GSDMA: variants seen among roughly 807,000 people sequenced by gnomAD.
GSDMA encodes gasdermin-A.
GSDMA carries 55 observed loss-of-function variants against 54.3 expected under a neutral mutation model. The observed-to-expected ratio is 1.01, with a 90% CI of 0.82 to 1.27. The LOEUF is 1.27. GSDMA is among the 50% of genes most tolerant of loss of function. The probability of loss-of-function intolerance (pLI) is 0.00; values close to 1 mark genes in which losing one functional copy is unlikely to be tolerated. For missense variants in GSDMA, 542 were observed against 542.6 expected (o/e 1.00, Z 0.01); for synonymous variants, 211 against 224.7 (o/e 0.94, Z 0.54).
At chr17:39,972,513 C>T in intron 6 of GSDMA, 74 bp from the exon 7 acceptor site, 1 of 1,382,764 alleles carries the variant, frequency 7.2e-7, no homozygotes. Flanking sequence ...GATGAAACTG[C>T]CTTGAAGACT....
intron 4 of GSDMA, 36 bp downstream of exon 4, chr17:39,970,683 ACT>A (rs903661525): frequency 2.0e-5 from 27 of 1,367,492 alleles, no homozygotes; most frequent in African/African-American, 6.6e-5. Context: ...ACACACACAC[ACT>A]CTCACACTCA....
rs755339257 is a variant in GSDMA at position 39,974,288 on chromosome 17, G to T, written c.767G>T (p.Gly256Val). 6 of 1,610,850 alleles carry T rather than the reference G, an allele frequency of 3.7e-6. No individual in the cohort carries two copies. The East Asian group carries it at 6.7e-5, about 18-fold the overall frequency. The change falls in exon 9 of 12, where the codon GGC becomes GTC. Residue 256 changes from glycine (G) to valine (V), a missense_variant. Physicochemically the swap from Gly to Val is moderately radical, Grantham distance 109. Coordinates refer to ENST00000301659, the MANE Select transcript of GSDMA (RefSeq NM_178171.5). ...QASDVGDVHE[G>V]FRTLKEEVQR... is the part of the protein sequence containing the mutation. ...GTCCCCATAGGGGACGTACACGAAG[G>T]CTTCAGGACACTAAAAGAAGAAGTT... is the stretch of plus-strand genomic sequence containing the variant.
intron 3 of GSDMA, among the ~76,000 whole-genome samples, chr17:39,969,240 C>G (rs1473515032): frequency 6.6e-6 from 1 of 151,340 alleles, no homozygotes; most frequent in African/African-American, 2.4e-5. Context: ...GTCCCAGCTA[C>G]TCAGGAGGTT....
Position 39,971,745 on chromosome 17 carries a change from G to A in GSDMA, c.655+125G>A, listed in dbSNP as rs939565481. 113 of 694,782 alleles carry A rather than the reference G, an allele frequency of 1.6e-4. 1 individual carries two copies. Among genetic ancestry groups the A allele is most frequent in the Non-Finnish European group, 2.5e-4 (99 of 401,946 alleles). 43.0% of individuals were successfully genotyped at this position (694,782 alleles called of 1,614,324 possible). ...AGGGGGGTGTATTGTACTGTGATCC[G>A]ACTGCAGCCATGGAGCCTGCTCTGG... On this transcript the variant is annotated intron_variant, in intron 5 of 11. Coordinates refer to ENST00000301659, the MANE Select transcript of GSDMA (RefSeq NM_178171.5).
At position 39,963,847 on chromosome 17, in the gene GSDMA, T is replaced by G. The variant is rs982649350; in HGVS notation, c.-6+762T>G. Among the ~76,000 whole-genome samples, 4 of 151,172 alleles carry G rather than the reference T, an allele frequency of 2.6e-5. No homozygotes were observed. In the South Asian group the frequency reaches 6.3e-4, roughly 24 times the overall value. On this transcript the variant is annotated intron_variant, in intron 1 of 11. Coordinates refer to ENST00000301659, the MANE Select transcript of GSDMA (RefSeq NM_178171.5). ...CCAGCCTGGGCAACAAGAATGAAACTCCATCTCAAAAAGAAAAAAAAAATG... is the reference window on the plus strand; with the variant it reads ...CCAGCCTGGGCAACAAGAATGAAACGCCATCTCAAAAAGAAAAAAAAAATG...
intron 3 of GSDMA, among the ~76,000 whole-genome samples, chr17:39,970,146 G>A (rs1019791271): frequency 1.3e-5 from 2 of 151,830 alleles, no homozygotes; most frequent in South Asian, 2.1e-4. Context: ...AAGAGGGGGG[G>A]AGCATCTACC....
intron 7 of GSDMA, 134 bp downstream of exon 7, chr17:39,972,747 T>G: frequency 1.2e-6 from 1 of 845,678 alleles, no homozygotes; most frequent in Non-Finnish European, 1.9e-6. Flanking sequence ...CCCCGAAACA[T>G]GGCAGAAATT....
chr17:39,968,339 CTTTTTTT>C (rs60315845), intron 3 of GSDMA, among the ~76,000 whole-genome samples: 12 of 41,358 alleles, frequency 2.9e-4, no homozygotes, highest in African/African-American at 1.6e-3. Flanking sequence ...TGAGCCCGGT[CTTTTTTT>C]TTTTTTTTTT....
At chr17:39,966,832 G>C (rs1396055655) in intron 3 of GSDMA, among the ~76,000 whole-genome samples, 3 of 152,148 alleles carry the variant, frequency 2.0e-5, no homozygotes, top group Non-Finnish European at 4.4e-5. Flanking sequence ...AGAAAAAGGA[G>C]GGATGTGTCT....
At chr17:39,974,553 C>A in intron 9 of GSDMA, 126 bp downstream of exon 9, 1 of 1,034,246 alleles carries the variant, frequency 9.7e-7, no homozygotes, top group Non-Finnish European at 1.4e-6. Context: ...CAGGGGAGTC[C>A]ACCTTAGATA....
rs796653693 is a variant in GSDMA at position 39,970,492 on chromosome 17, G to A, written c.403G>A (p.Ala135Thr). ...LETVQERKLAADHPFLKEMQD... is the reference protein window; with the variant it reads ...LETVQERKLATDHPFLKEMQD... ...TTTCTCCTGCAACAGGAAGCTGGCA[G>A]CAGACCACCCATTCCTGAAGGAGAT... The change falls in exon 4 of 12, where the codon GCA becomes ACA. Residue 135 changes from alanine (A) to threonine (T), a missense_variant. By Grantham distance (58) the Ala-to-Thr change is moderately conservative. Transcript: ENST00000301659. 2 of 1,578,054 alleles carry A rather than the reference G, an allele frequency of 1.3e-6. No individual in the cohort carries two copies. The highest frequency in any genetic ancestry group is 2.3e-5 in the South Asian group (2 of 86,728).
At chr17:39,965,577 C>T in intron 1 of GSDMA, 106 bp from the exon 2 acceptor site, 6 of 761,616 alleles carry the variant, frequency 7.9e-6, no homozygotes, top group African/African-American at 1.7e-5. Flanking sequence ...GCTCCTCCTG[C>T]CTCAGAGCCG....
At chr17:39,975,080 A>G (rs1980143224) in intron 10 of GSDMA, 66 bp downstream of exon 10, 3 of 834,082 alleles carry the variant, frequency 3.6e-6, no homozygotes. Context: ...ACTTGAATCA[A>G]TTCCCAAATG....
intron 1 of GSDMA, among the ~76,000 whole-genome samples, chr17:39,965,335 A>G (rs1979598261): frequency 6.6e-6 from 1 of 151,332 alleles, no homozygotes; most frequent in African/African-American, 2.5e-5. Context: ...AAAGAAAGAA[A>G]AAGAAAAGAA....
intron 9 of GSDMA, 115 bp from the exon 10 acceptor site, chr17:39,974,785 A>C: frequency 1.4e-6 from 1 of 696,712 alleles, no homozygotes; most frequent in South Asian, 1.7e-5. Context: ...GAGGCCTCGA[A>C]AAAGAAATCA....
In GSDMA at chr17:39,970,608, C is replaced by G; in HGVS notation, c.519C>G (p.Ala173=). ...VTLERAGKAE[A]CFSLPFFAPL... ...TGGAGCGAGCCGGCAAGGCAGAGGC[C>G]TGCTTCTCCCTCCCCTTCTTCGCCC... The change falls in exon 4 of 12, where the codon GCC becomes GCG. Residue 173 remains alanine (A), a synonymous_variant. Coordinates refer to ENST00000301659, the MANE Select transcript of GSDMA (RefSeq NM_178171.5). The G allele has an allele frequency of 6.3e-7, 1 of 1,585,178 alleles. No individual in the cohort carries two copies. Among genetic ancestry groups the G allele is most frequent in the Non-Finnish European group, 8.6e-7 (1 of 1,166,184 alleles).
chr17:39,967,702 C>T (rs964735869), intron 3 of GSDMA, among the ~76,000 whole-genome samples: 2 of 152,134 alleles, frequency 1.3e-5, no homozygotes, highest in African/African-American at 4.8e-5. Flanking sequence ...AACAGTTTTT[C>T]GCTCTTGTTG....
chr17:39,965,721 G>T lies in GSDMA; in HGVS notation c.34G>T (p.Ala12Ser), dbSNP rs780003355. ...GTTTGAAAATGTCACCCGGGCCCTG[G>T]CCAGACAGCTAAACCCTCGAGGGGA... ...TMFENVTRAL[A>S]RQLNPRGDLT... Residue 12 changes from alanine (A) to serine (S), a missense_variant, in exon 2 of 12, where the codon GCC (alanine) becomes TCC (serine). By Grantham distance (99) the Ala-to-Ser change is moderately conservative. Transcript: ENST00000301659. The T allele has an allele frequency of 1.2e-6, 2 of 1,610,774 alleles. No homozygotes were observed. The highest frequency in any genetic ancestry group is 1.7e-6 in the Non-Finnish European group (2 of 1,178,612).
Position 39,974,324 on chromosome 17 carries a change from C to A in GSDMA, c.803C>A (p.Thr268Asn). The A allele has an allele frequency of 6.2e-7, 1 of 1,610,744 alleles. No homozygotes were observed. The highest frequency in any genetic ancestry group is 8.5e-7 in the Non-Finnish European group (1 of 1,178,532). ...RTLKEEVQRE[T>N]QQVEKLSRVG... ...CTAAAAGAAGAAGTTCAGAGAGAGA[C>A]CCAACAAGTGGAGAAGCTGAGCCGA... Residue 268 changes from threonine (T) to asparagine (N), a missense_variant, in exon 9 of 12, where the codon ACC becomes AAC. Physicochemically the swap from Thr to Asn is moderately conservative, Grantham distance 65. Coordinates refer to ENST00000301659, the MANE Select transcript of GSDMA (RefSeq NM_178171.5).
Sources: gnomAD v4.1 joint callset for allele counts (sites outside exome capture counted in the v4.1 genomes callset) on GRCh38, gnomAD v4.1.1 for gene constraint, MANE v1.5 for transcripts, NCBI Gene and HGNC (gene_info 2026-07-23, HGNC 2026-07-21) for gene names.